NUBPL: variants seen among roughly 807,000 people sequenced by gnomAD.
The protein encoded by NUBPL is NUBP iron-sulfur cluster assembly factor, mitochondrial, also known as iron-sulfur cluster transfer protein NUBPL.
Under a neutral mutation model 45.7 loss-of-function variants are expected in NUBPL, and 31 were observed. That is an observed-to-expected ratio of 0.68 (90% CI 0.51 to 0.92). The LOEUF is 0.92. NUBPL is among the 40% of genes least tolerant of loss of function. The probability of loss-of-function intolerance (pLI) is 0.00; values close to 1 mark genes in which losing one functional copy is unlikely to be tolerated. For missense variants in NUBPL, 401 were observed against 398.7 expected (o/e 1.01, Z -0.05); for synonymous variants, 144 against 140.9 (o/e 1.02, Z -0.15).
chr14:31,801,549 A>T (rs2039590611), intron 7 of NUBPL, among the ~76,000 whole-genome samples: 1 of 152,228 alleles, frequency 6.6e-6, no homozygotes, highest in Admixed American at 6.5e-5. Context: ...TCACAAAGCA[A>T]AATTATACTG....
rs369878446 is a variant in NUBPL, at chr14:31,629,053, C to T, written c.382+29674C>T. On this transcript the variant is annotated intron_variant, in intron 4 of 10. Coordinates refer to ENST00000281081, the MANE Select transcript of NUBPL (RefSeq NM_025152.3). ...AAAAAACAAATACTATATTCCCACC[C>T]CCCAAAATAATATCTTTGTAGAATT... 8.8e-4 allele frequency among the ~76,000 whole-genome samples: 134 copies of T among 152,234 alleles called. 3 individuals are homozygous for T. The South Asian group carries it at 0.028, about 31-fold the overall frequency.
chr14:31,848,158 A>G (rs2040482533), intron 9 of NUBPL, among the ~76,000 whole-genome samples: 1 of 152,238 alleles, frequency 6.6e-6, no homozygotes, highest in Non-Finnish European at 1.5e-5. Flanking sequence ...CTGACTACTG[A>G]TCACAAAAAT....
At chr14:31,831,360 G>A (rs1264473629) in intron 8 of NUBPL, among the ~76,000 whole-genome samples, 3 of 151,774 alleles carry the variant, frequency 2.0e-5, no homozygotes, top group African/African-American at 4.8e-5. Flanking sequence ...ACCCTTTTAT[G>A]AGCTTTTTTA....
At chr14:31,809,264 G>T (rs183337976) in intron 7 of NUBPL, among the ~76,000 whole-genome samples, 1 of 152,224 alleles carries the variant, frequency 6.6e-6, no homozygotes, top group African/African-American at 2.4e-5. Context: ...TTTTCGGTTG[G>T]TAGGCTATTA....
chr14:31,683,386 G>A (rs1195065475), intron 6 of NUBPL, among the ~76,000 whole-genome samples: 5 of 124,994 alleles, frequency 4.0e-5, no homozygotes, highest in Non-Finnish European at 8.1e-5. Flanking sequence ...GTGAGACAGG[G>A]TCTCACTCTG....
At chr14:31,848,122 A>G (rs988215614) in intron 9 of NUBPL, among the ~76,000 whole-genome samples, 2 of 152,246 alleles carry the variant, frequency 1.3e-5, no homozygotes, top group Admixed American at 6.5e-5. Context: ...CAGATGTACA[A>G]TTACCCTAAA....
chr14:31,642,260 A>G (rs1342567888), intron 4 of NUBPL, among the ~76,000 whole-genome samples: 2 of 152,084 alleles, frequency 1.3e-5, no homozygotes, highest in African/African-American at 2.4e-5. Context: ...CTTTGCCCAG[A>G]CTAACGTTCT....
chr14:31,586,302 A>G (rs148226699), intron 3 of NUBPL, among the ~76,000 whole-genome samples: 11 of 152,330 alleles, frequency 7.2e-5, no homozygotes, highest in African/African-American at 2.4e-4. Context: ...GTTTGTGGGT[A>G]TAAATAGTAT....
chr14:31,729,642 A>G (rs1399938260), intron 6 of NUBPL, among the ~76,000 whole-genome samples: 1 of 151,862 alleles, frequency 6.6e-6, no homozygotes, highest in African/African-American at 2.4e-5. Flanking sequence ...TAGGAACTTG[A>G]TTTTTATGTA....
At chr14:31,728,859 G>A (rs1042860969) in intron 6 of NUBPL, among the ~76,000 whole-genome samples, 9 of 152,038 alleles carry the variant, frequency 5.9e-5, no homozygotes, top group Non-Finnish European at 1.2e-4. Context: ...CTGAGATTGG[G>A]GATCTTCTTA....
At chr14:31,790,917 C>A (rs2039369798) in intron 7 of NUBPL, among the ~76,000 whole-genome samples, 1 of 152,068 alleles carries the variant, frequency 6.6e-6, no homozygotes, top group South Asian at 2.1e-4. Flanking sequence ...CTGATAACCA[C>A]TATTCTTAAT....
chr14:31,748,846 C>A (rs1178911840), intron 6 of NUBPL, among the ~76,000 whole-genome samples: 1 of 152,114 alleles, frequency 6.6e-6, no homozygotes, highest in Non-Finnish European at 1.5e-5. Flanking sequence ...CTCTTGACCT[C>A]AGGTGATCTA....
intron 4 of NUBPL, chr14:31,654,112 A>G (rs1056052217): frequency 4.4e-6 from 2 of 454,512 alleles, no homozygotes; most frequent in Non-Finnish European, 8.8e-6. Flanking sequence ...AGACCACCAC[A>G]ATAAAGCAAG....
chr14:31,766,665 G>A lies in NUBPL; in HGVS notation c.514-21115G>A, dbSNP rs1030843712. 2.0e-5 allele frequency among the ~76,000 whole-genome samples: 3 copies of A among 152,128 alleles called. No individual in the cohort carries two copies. The East Asian group carries it at 5.8e-4, about 29-fold the overall frequency. On this transcript the variant is annotated intron_variant, in intron 6 of 10. Transcript: ENST00000281081. ...CAGCCATCACATACAACAAAGTCAA[G>A]TTTCTCTCTCACAACTGTAAAGTCT...
At chr14:31,780,329 A>C (rs2039170900) in intron 6 of NUBPL, among the ~76,000 whole-genome samples, 1 of 152,036 alleles carries the variant, frequency 6.6e-6, no homozygotes, top group Non-Finnish European at 1.5e-5. Flanking sequence ...TTGGCCTCCC[A>C]GAATGCTGGA....
At chr14:31,759,725 A>G (rs2038756386) in intron 6 of NUBPL, among the ~76,000 whole-genome samples, 1 of 151,094 alleles carries the variant, frequency 6.6e-6, no homozygotes, top group Admixed American at 6.6e-5. Flanking sequence ...GATATGTGGT[A>G]TAATAAATAT....
intron 3 of NUBPL, among the ~76,000 whole-genome samples, chr14:31,591,068 T>A (rs1374613447): frequency 1.3e-5 from 2 of 152,204 alleles, no homozygotes; most frequent in Non-Finnish European, 2.9e-5. Context: ...GCAGCTTTTT[T>A]ATATTTGAAA....
intron 6 of NUBPL, among the ~76,000 whole-genome samples, chr14:31,742,841 A>G (rs887141872): frequency 4.0e-5 from 6 of 150,484 alleles, no homozygotes; most frequent in African/African-American, 1.5e-4. Context: ...TCCTGACCTC[A>G]AGTAATATGC....
intron 6 of NUBPL, among the ~76,000 whole-genome samples, chr14:31,748,097 T>G (rs2140013471): frequency 6.6e-6 from 1 of 152,332 alleles, no homozygotes; most frequent in South Asian, 2.1e-4. Context: ...TTCCCTGTAT[T>G]TGTACTATTT....
Sources: gnomAD v4.1 joint callset for allele counts (sites outside exome capture counted in the v4.1 genomes callset) on GRCh38, gnomAD v4.1.1 for gene constraint, MANE v1.5 for transcripts, NCBI Gene and HGNC (gene_info 2026-07-23, HGNC 2026-07-21) for gene names.